Variants in UPP2 observed in about 807,000 individuals in gnomAD.
The protein encoded by UPP2 is UPase 2.
A neutral mutation model predicts 26.7 loss-of-function variants in UPP2; 23 were observed. That is an observed-to-expected ratio of 0.86 (90% CI 0.62 to 1.22). The LOEUF (loss-of-function observed/expected upper bound fraction) is 1.22, where lower values mean the gene tolerates loss of function less well. Ranked by LOEUF, UPP2 falls within the 50% of genes most tolerant of loss-of-function variation. UPP2 has a pLI of 0.00. For synonymous variants in UPP2, 127 were observed against 141.3 expected, an observed-to-expected ratio of 0.90 and a Z score of 0.72; for missense variants, 387 against 396.7, an observed-to-expected ratio of 0.98 and a Z score of 0.21.
At chr2:158,004,153 A>G (rs746452724) in intron 2 of UPP2, among the ~76,000 whole-genome samples, 45 of 152,212 alleles carry the variant, frequency 3.0e-4, no homozygotes, top group Non-Finnish European at 5.4e-4. Flanking sequence ...CTAAAAATAT[A>G]TCTTAGAAAT....
chr2:158,099,458 G>A (rs963283821), upstream of UPP2, among the ~76,000 whole-genome samples: 7 of 152,100 alleles, frequency 4.6e-5, no homozygotes, highest in African/African-American at 1.4e-4. Context: ...GGACTTTGCT[G>A]TGCGTTGACA....
chr2:158,077,520 G>C (rs2105191949), intron 3 of UPP2, among the ~76,000 whole-genome samples: 1 of 152,008 alleles, frequency 6.6e-6, no homozygotes, highest in South Asian at 2.1e-4. Context: ...TTCGACAAAG[G>C]TGCCAAGAAC....
At chr2:158,030,971 T>G (rs1683911902) in intron 3 of UPP2, among the ~76,000 whole-genome samples, 1 of 152,188 alleles carries the variant, frequency 6.6e-6, no homozygotes, top group East Asian at 1.9e-4. Flanking sequence ...CTTTGCAACT[T>G]TAGGCCAGTC....
chr2:158,034,820 T>C (rs1464375254), intron 3 of UPP2, among the ~76,000 whole-genome samples: 3 of 152,190 alleles, frequency 2.0e-5, no homozygotes, highest in Non-Finnish European at 4.4e-5. Flanking sequence ...CTCCTTCAAA[T>C]TGAATGAGGC....
intron 1 of UPP2, among the ~76,000 whole-genome samples, chr2:158,103,477 A>T (rs1476511614): frequency 6.6e-6 from 1 of 152,154 alleles, no homozygotes; most frequent in Non-Finnish European, 1.5e-5. Context: ...GGGTCTAGGG[A>T]TAAGTACTCT....
chr2:157,996,376 TTC>T (rs1421872377), intron 2 of UPP2, among the ~76,000 whole-genome samples: 1 of 152,214 alleles, frequency 6.6e-6, no homozygotes, highest in African/African-American at 2.4e-5. Context: ...TATTAATTTA[TTC>T]TCTCACATAT....
intron 2 of UPP2, among the ~76,000 whole-genome samples, chr2:158,113,663 T>C (rs1412200896): frequency 2.0e-5 from 3 of 152,194 alleles, no homozygotes; most frequent in Non-Finnish European, 4.4e-5. Flanking sequence ...CACCCAATAG[T>C]TAGAGTAAAT....
chr2:158,106,299 A>C, intron 2 of UPP2, 83 bp downstream of exon 2: 1 of 1,196,316 alleles, frequency 8.4e-7, no homozygotes, highest in Non-Finnish European at 1.2e-6. Context: ...TAATCTATAC[A>C]CCTTTGGCTA....
intron 6 of UPP2, among the ~76,000 whole-genome samples, chr2:158,134,461 A>G (rs79798057): frequency 0.03 from 4,494 of 152,306 alleles, 91 homozygotes; most frequent in Non-Finnish European, 0.041. Context: ...TTTCTCCTTT[A>G]TCTTGAACAT....
intron 3 of UPP2, among the ~76,000 whole-genome samples, chr2:158,031,547 G>A (rs1376063143): frequency 1.3e-5 from 2 of 152,192 alleles, no homozygotes; most frequent in Non-Finnish European, 2.9e-5. Flanking sequence ...TGAGCTGTTG[G>A]AACATCTCCA....
chr2:158,009,796 G>A (rs76389956), intron 2 of UPP2, among the ~76,000 whole-genome samples: 1 of 152,172 alleles, frequency 6.6e-6, no homozygotes, highest in Non-Finnish European at 1.5e-5. Context: ...ATTCTCCTGC[G>A]GGCTGCCTTC....
At position 158,135,937 on chromosome 2, in the gene UPP2, G is replaced by T. The variant is rs528241830; in HGVS notation, c.*1047G>T. ...TTGTGTACATATTATTTATATGGTT[G>T]TGGCTCAAATAAAGTTTAATTCCAA... On this transcript the variant is annotated 3_prime_UTR_variant, in exon 7 of 7. Transcript: ENST00000005756. 4.6e-5 allele frequency: 7 copies of T among 152,310 alleles called. No homozygotes were observed. Among genetic ancestry groups the T allele is most frequent in the African/African-American group, 1.7e-4 (7 of 41,568 alleles). 9.4% of individuals were successfully genotyped at this position (152,310 alleles called of 1,614,324 possible). A position where few individuals can be genotyped will look rare whatever the true frequency, so the allele number is the denominator to read the frequency against.
intron 3 of UPP2, among the ~76,000 whole-genome samples, chr2:158,053,091 T>C (rs1464590788): frequency 6.6e-6 from 1 of 152,124 alleles, no homozygotes. Context: ...CTGGAGCACC[T>C]TTCTAGCAGG....
At chr2:158,049,630 G>C (rs887837560) in intron 3 of UPP2, among the ~76,000 whole-genome samples, 1 of 152,152 alleles carries the variant, frequency 6.6e-6, no homozygotes, top group African/African-American at 2.4e-5. Flanking sequence ...GGGGAGAACA[G>C]GCAGCAGCAA....
chr2:158,109,225 T>C (rs1243522330), intron 2 of UPP2, among the ~76,000 whole-genome samples: 1 of 152,108 alleles, frequency 6.6e-6, no homozygotes, highest in Non-Finnish European at 1.5e-5. Flanking sequence ...TCATTATTAA[T>C]ACCATTATCT....
At chr2:158,022,746 A>C (rs150075601) in intron 3 of UPP2, among the ~76,000 whole-genome samples, 1 of 152,294 alleles carries the variant, frequency 6.6e-6, no homozygotes, top group Non-Finnish European at 1.5e-5. Context: ...AAGAATAGGT[A>C]TAGAGGTTCT....
chr2:158,005,143 G>A (rs1376557677), intron 2 of UPP2, among the ~76,000 whole-genome samples: 1 of 152,132 alleles, frequency 6.6e-6, no homozygotes, highest in Non-Finnish European at 1.5e-5. Context: ...CCTTCTAGAA[G>A]GAATCTCAAG....
chr2:158,008,198 T>TA (rs1683523740), intron 2 of UPP2, among the ~76,000 whole-genome samples: 1 of 152,228 alleles, frequency 6.6e-6, no homozygotes, highest in African/African-American at 2.4e-5. Flanking sequence ...TATTTGCTTA[T>TA]AAATATATTC....
intron 3 of UPP2, among the ~76,000 whole-genome samples, chr2:158,116,974 A>C (rs1305915808): frequency 6.6e-6 from 1 of 152,070 alleles, no homozygotes; most frequent in African/African-American, 2.4e-5. Flanking sequence ...AGGTGAAAAC[A>C]TCATGGTCAC....
Sources: allele counts gnomAD v4.1 joint callset (sites outside exome capture counted in the v4.1 genomes callset), GRCh38; gene constraint gnomAD v4.1.1; transcripts MANE v1.5; gene names NCBI Gene and HGNC (gene_info 2026-07-23, HGNC 2026-07-21).